The following TMEM260 variants were observed in gnomAD, a reference collection of about 807,000 sequenced individuals.
TMEM260 encodes the protein transmembrane protein 260.
In TMEM260, 82 loss-of-function variants were observed where a neutral mutation model predicts 88.9. That is an observed-to-expected ratio of 0.92 (90% CI 0.77 to 1.11). The LOEUF is 1.11. TMEM260 is among the 50% of genes least tolerant of loss of function. The pLI is 0.00. For synonymous variants in TMEM260, 314 were observed against 309.3 expected, an observed-to-expected ratio of 1.02 and a Z score of -0.16; for missense variants, 902 against 853.4, an observed-to-expected ratio of 1.06 and a Z score of -0.71.
chr14:56,589,281 G>T (rs1211912636), intron 3 of TMEM260, among the ~76,000 whole-genome samples: 1 of 152,066 alleles, frequency 6.6e-6, no homozygotes. Context: ...TAGTTACAGT[G>T]CAGGGGATGT....
At chr14:56,634,258 C>T (rs1205328794) in intron 13 of TMEM260, among the ~76,000 whole-genome samples, 3 of 152,144 alleles carry the variant, frequency 2.0e-5, no homozygotes, top group Non-Finnish European at 2.9e-5. Context: ...TACCTCTGTC[C>T]ATAGAGTGAC....
intron 10 of TMEM260, among the ~76,000 whole-genome samples, chr14:56,621,179 T>G (rs1326195017): frequency 6.6e-6 from 1 of 152,206 alleles, no homozygotes; most frequent in Non-Finnish European, 1.5e-5. Flanking sequence ...GGAATGAACA[T>G]AAAATTGCCT....
At chr14:56,632,486 G>T (rs1467420115) in intron 12 of TMEM260, among the ~76,000 whole-genome samples, 1 of 152,152 alleles carries the variant, frequency 6.6e-6, no homozygotes, top group Non-Finnish European at 1.5e-5. Context: ...GAAAGAAAAA[G>T]ACCTGGGGGA....
chr14:56,662,902 C>T, the TMEM260 span, among the ~76,000 whole-genome samples: 4 of 152,068 alleles, frequency 2.6e-5, no homozygotes, highest in Admixed American at 6.5e-5. Context: ...CCAACGCGGG[C>T]GGATCAGCTG....
rs139105566 is a variant in TMEM260 at position 56,617,191 on chromosome 14, A to G, written c.950A>G (p.Gln317Arg). ...TTTATTATTTTTTGTAGGGACAGAC[A>G]GAATCCATCATTAGTATGGCTTTTT... ...ANICLATKDR[Q>R]NPSLVWLFTG... Residue 317 changes from glutamine (Q) to arginine (R), a missense_variant, in exon 9 of 16, where the codon CAG becomes CGG. Gln to Arg is a conservative substitution (Grantham distance 43, BLOSUM62 1). Coordinates refer to ENST00000261556, the MANE Select transcript of TMEM260 (RefSeq NM_017799.4). The G allele has an allele frequency of 2.5e-6, 4 of 1,585,760 alleles. No homozygotes were observed. The African/African-American group carries it at 5.4e-5, about 21-fold the overall frequency.
chr14:56,651,575 T>A (rs531966225), downstream of TMEM260, among the ~76,000 whole-genome samples: 12 of 152,266 alleles, frequency 7.9e-5, no homozygotes, highest in African/African-American at 2.9e-4. Flanking sequence ...ATACAAACAT[T>A]GCGATGATAT....
chr14:56,603,961 A>T lies in TMEM260; in HGVS notation c.491A>T (p.Glu164Val), dbSNP rs979733175. 4.7e-5 allele frequency: 75 copies of T among 1,595,990 alleles called. No individual in the cohort carries two copies. The highest frequency in any genetic ancestry group is 5.6e-5 in the Non-Finnish European group (66 of 1,174,190). Reference protein sequence around the residue: ...GLLMALTVHFEEAATAKERSK... With the variant: ...GLLMALTVHFVEAATAKERSK... ...CTTATGGCTCTTACTGTACATTTTG[A>T]GGAAGCAGCAACTGCTAAGGAGAGA... The change falls in exon 4 of 16, where the codon GAG (glutamate) becomes GTG (valine). Residue 164 changes from glutamate (E) to valine (V), a missense_variant. Transcript: ENST00000261556.
intron 3 of TMEM260, among the ~76,000 whole-genome samples, chr14:56,590,028 G>A (rs986208938): frequency 1.3e-5 from 2 of 152,164 alleles, no homozygotes; most frequent in African/African-American, 4.8e-5. Context: ...GTAACAAATA[G>A]TTACCAAGTT....
At chr14:56,626,650 C>T in intron 12 of TMEM260, among the ~76,000 whole-genome samples, 1 of 152,122 alleles carries the variant, frequency 6.6e-6, no homozygotes, top group East Asian at 1.9e-4. Context: ...ATTTAACTGA[C>T]AACATATGCC....
At position 56,609,226 on chromosome 14, in the gene TMEM260, A is replaced by G. The variant is rs2139567107; in HGVS notation, c.757A>G (p.Thr253Ala). ...CGCCCGGTGGACCTGGGGAGACCAG[A>G]CAACACTGCAAGGATTTTTGACACA... ...NHARWTWGDQTTLQGFLTHFL... is the reference protein window; with the variant it reads ...NHARWTWGDQATLQGFLTHFL... Residue 253 changes from threonine to alanine, a missense_variant, in exon 6 of 16, where the codon ACA becomes GCA. Physicochemically the swap from Thr to Ala is moderately conservative, Grantham distance 58. Transcript: ENST00000261556. The G allele has an allele frequency of 6.2e-7, 1 of 1,614,196 alleles. No homozygotes were observed. Among genetic ancestry groups the G allele is most frequent in the African/African-American group, 1.3e-5 (1 of 75,052 alleles).
At position 56,588,824 on chromosome 14, in the gene TMEM260, C is replaced by A. The variant is rs1051810953; in HGVS notation, c.344+2912C>A. Among the ~76,000 whole-genome samples, 7 of 151,932 alleles carry A rather than the reference C, an allele frequency of 4.6e-5. No homozygotes were observed. In the Middle Eastern group the frequency reaches 0.014, roughly 297 times the overall value. ...GTATTCATTTTATTAATGTGTACAT[C>A]TGTGTTTCTAAGGCTGTAATATAGT... On this transcript the variant is annotated intron_variant, in intron 3 of 15. Transcript: ENST00000261556.
chr14:56,631,629 A>AAAC (rs113492034), intron 12 of TMEM260, among the ~76,000 whole-genome samples: 46 of 150,962 alleles, frequency 3.0e-4, no homozygotes, highest in Admixed American at 4.6e-4. Flanking sequence ...TCTCAAAAAA[A>AAAC]AAAAAAAAAG....
Position 56,647,328 on chromosome 14 carries a change from G to A in TMEM260, c.1955G>A (p.Arg652His), listed in dbSNP as rs141574413. The A allele has an allele frequency of 1.7e-4, 282 of 1,614,174 alleles. No individual in the cohort carries two copies. Among genetic ancestry groups the A allele is most frequent in the Non-Finnish European group, 2.2e-4 (265 of 1,180,040 alleles). Residue 652 changes from arginine to histidine, a missense_variant, in exon 16 of 16, where the codon CGT becomes CAT. By Grantham distance (29) the Arg-to-His change is conservative. Coordinates refer to ENST00000261556, the MANE Select transcript of TMEM260 (RefSeq NM_017799.4). ...NYAIACERMLRLQARDADPEV... is the reference protein window; with the variant it reads ...NYAIACERMLHLQARDADPEV... ...GCCATCGCCTGTGAGCGGATGCTGC[G>A]TCTTCAGGCAAGAGATGCAGATCCT...
intron 5 of TMEM260, among the ~76,000 whole-genome samples, chr14:56,607,995 A>T (rs1433702594): frequency 1.3e-5 from 2 of 152,234 alleles, no homozygotes; most frequent in Non-Finnish European, 2.9e-5. Flanking sequence ...AAAAATAAGC[A>T]TTTACTTTTT....
At chr14:56,631,493 C>T (rs375361124) in intron 12 of TMEM260, among the ~76,000 whole-genome samples, 5 of 152,004 alleles carry the variant, frequency 3.3e-5, no homozygotes, top group East Asian at 1.9e-4. Flanking sequence ...CATGGTGGTG[C>T]GTGCCTGTAA....
chr14:56,659,102 A>C, the TMEM260 span, among the ~76,000 whole-genome samples: 2 of 152,164 alleles, frequency 1.3e-5, no homozygotes, highest in Non-Finnish European at 2.9e-5. Flanking sequence ...TAAGTATTGC[A>C]CTAATGTCCC....
Position 56,600,027 on chromosome 14 carries a change from A to G in TMEM260, c.345-3788A>G, listed in dbSNP as rs149031141. On this transcript the variant is annotated intron_variant, in intron 3 of 15. Transcript: ENST00000261556. ...TGGTCAACATTTAAATAAGCAGTAA[A>G]TAGCCCACATATTAACTGTCATAAA... 4.7e-3 allele frequency among the ~76,000 whole-genome samples: 712 copies of G among 152,358 alleles called. 5 individuals carry two copies. The highest frequency in any genetic ancestry group is 0.016 in the African/African-American group (678 of 41,578).
chr14:56,629,347 G>C (rs563557673), intron 12 of TMEM260, among the ~76,000 whole-genome samples: 2 of 149,952 alleles, frequency 1.3e-5, no homozygotes, highest in African/African-American at 2.5e-5. Context: ...ATACTTAGGA[G>C]TAATAATTTA....
chr14:56,644,536 A>G (rs1305219596), intron 15 of TMEM260, among the ~76,000 whole-genome samples: 1 of 152,214 alleles, frequency 6.6e-6, no homozygotes, highest in African/African-American at 2.4e-5. Context: ...TGTTAGACCT[A>G]AAACCATAAA....
Sources: allele counts gnomAD v4.1 joint callset (sites outside exome capture counted in the v4.1 genomes callset), GRCh38; gene constraint gnomAD v4.1.1; transcripts MANE v1.5; gene names NCBI Gene and HGNC (gene_info 2026-07-23, HGNC 2026-07-21).